The following ORC4 variants were observed in gnomAD, a reference collection of about 807,000 sequenced individuals.
ORC4 encodes the protein origin recognition complex, subunit 4 homolog.
ORC4 carries 55 observed loss-of-function variants against 63.9 expected under a neutral mutation model. The observed-to-expected ratio is 0.86, with a 90% confidence interval of 0.69 to 1.08. The LOEUF (loss-of-function observed/expected upper bound fraction) is 1.08. ORC4 is among the 50% of genes least tolerant of loss of function. ORC4 has a pLI of 0.00. For missense variants in ORC4, 511 were observed against 504.4 expected, an observed-to-expected ratio of 1.01 and a Z score of -0.13; for synonymous variants, 150 against 168.5, an observed-to-expected ratio of 0.89 and a Z score of 0.85.
At chr2:148,021,359 C>G, upstream of ORC4, 1 of 442,492 alleles carries the variant, frequency 2.3e-6, no homozygotes, top group Non-Finnish European at 4.5e-6. Context: ...CCCCTCACCC[C>G]TCCAACTCGC....
intron 8 of ORC4, chr2:147,951,670 A>T (rs1688967271): frequency 6.6e-6 from 1 of 152,228 alleles, no homozygotes; most frequent in Admixed American, 6.5e-5. Flanking sequence ...TTTCTTTAAA[A>T]ATTACCAAGT....
intron 4 of ORC4, among the ~76,000 whole-genome samples, chr2:147,959,724 T>A (rs774607874): frequency 5.9e-5 from 9 of 152,062 alleles, no homozygotes; most frequent in Non-Finnish European, 7.4e-5. Context: ...ATAAAAAAAA[T>A]TTCCTGTTAT....
Position 147,935,458 on chromosome 2 carries a change from G to A in ORC4, c.*52C>T, listed in dbSNP as rs371407420. Reference sequence around the variant, plus strand: ...TCATGTTAATGGACAATAGTTTTCCGTTCTCTACAGAAGTATGAATGAAAT... The same window carrying A: ...TCATGTTAATGGACAATAGTTTTCCATTCTCTACAGAAGTATGAATGAAAT... On this transcript the variant is annotated 3_prime_UTR_variant, in exon 14 of 14. Coordinates refer to ENST00000392857, the MANE Select transcript of ORC4 (RefSeq NM_181741.4). 1.6e-4 allele frequency: 209 copies of A among 1,338,988 alleles called. No individual in the cohort carries two copies. The highest frequency in any genetic ancestry group is 3.6e-4 in the Middle Eastern group (2 of 5,594). The allele number at this position is 1,338,988 out of a possible 1,614,324, so 82.9% of individuals were successfully genotyped here.
chr2:147,979,137 A>C (rs1008279303), intron 1 of ORC4, among the ~76,000 whole-genome samples: 1 of 152,176 alleles, frequency 6.6e-6, no homozygotes, highest in Non-Finnish European at 1.5e-5. Context: ...AAAAATAAAT[A>C]AAAGGCATCC....
At position 147,933,340 on chromosome 2, in the gene ORC4, T is replaced by G. The variant is rs760246585; in HGVS notation, c.*2170A>C. 2 of 152,136 alleles carry G rather than the reference T, an allele frequency of 1.3e-5. No homozygotes were observed. Among genetic ancestry groups the G allele is most frequent in the Non-Finnish European group, 2.9e-5 (2 of 68,012 alleles). 9.4% of individuals were successfully genotyped at this position (152,136 alleles called of 1,614,324 possible). Reference sequence around the variant, plus strand: ...AGCTCAAAACTCTTGCGAATAGATTTTAGCATTTTTGTATGAGGGAATATG... The same window carrying G: ...AGCTCAAAACTCTTGCGAATAGATTGTAGCATTTTTGTATGAGGGAATATG... On this transcript the variant is annotated 3_prime_UTR_variant, in exon 14 of 14. Transcript: ENST00000392857.
At chr2:147,990,311 T>C (rs1339294187) in intron 1 of ORC4, among the ~76,000 whole-genome samples, 1 of 152,238 alleles carries the variant, frequency 6.6e-6, no homozygotes, top group Non-Finnish European at 1.5e-5. Flanking sequence ...GTTTTGTTAC[T>C]GTCCTTTGAG....
At chr2:147,966,287 T>A (rs1689888809) in intron 4 of ORC4, among the ~76,000 whole-genome samples, 1 of 151,720 alleles carries the variant, frequency 6.6e-6, no homozygotes, top group Non-Finnish European at 1.5e-5. Context: ...AAATAAAGAA[T>A]CTAACAATGC....
At chr2:147,958,730 G>T in intron 5 of ORC4, 61 bp downstream of exon 5, 1 of 831,380 alleles carries the variant, frequency 1.2e-6, no homozygotes, top group Non-Finnish European at 2.1e-6. Context: ...AAATATACAA[G>T]TCATATAAAA....
chr2:147,986,293 A>G (rs1691198349), intron 1 of ORC4, among the ~76,000 whole-genome samples: 1 of 152,164 alleles, frequency 6.6e-6, no homozygotes, highest in African/African-American at 2.4e-5. Flanking sequence ...TAACTAAACA[A>G]AGAGACAAGT....
At chr2:147,958,743 C>T in intron 5 of ORC4, 48 bp downstream of exon 5, 3 of 923,740 alleles carry the variant, frequency 3.2e-6, no homozygotes, top group Non-Finnish European at 5.4e-6. Flanking sequence ...ATATAAAAAC[C>T]CCACAAAGTT....
chr2:148,009,939 T>C (rs1030742407), intron 1 of ORC4, among the ~76,000 whole-genome samples: 1 of 152,038 alleles, frequency 6.6e-6, no homozygotes, highest in Non-Finnish European at 1.5e-5. Flanking sequence ...AGACATTGCA[T>C]GCAAACAGAA....
At chr2:147,974,137 T>C (rs946022758) in intron 2 of ORC4, among the ~76,000 whole-genome samples, 6 of 152,084 alleles carry the variant, frequency 3.9e-5, no homozygotes, top group Admixed American at 6.5e-5. Flanking sequence ...TCTTGTTCCA[T>C]GTACAGAGGC....
chr2:148,004,304 A>C (rs1319583800), intron 1 of ORC4, among the ~76,000 whole-genome samples: 2 of 152,232 alleles, frequency 1.3e-5, no homozygotes, highest in African/African-American at 4.8e-5. Flanking sequence ...GCATAAGCCA[A>C]GACAATGCTA....
At chr2:147,983,494 GTCCCCAAAC>G (rs1279256463) in intron 1 of ORC4, among the ~76,000 whole-genome samples, 1 of 152,118 alleles carries the variant, frequency 6.6e-6, no homozygotes, top group African/African-American at 2.4e-5. Flanking sequence ...TGGTCCACTG[GTCCCCAAAC>G]ACAAACTCTC....
chr2:147,951,277 C>A (rs17231938), intron 8 of ORC4, among the ~76,000 whole-genome samples: 104 of 152,190 alleles, frequency 6.8e-4, no homozygotes, highest in Admixed American at 6.2e-3. Flanking sequence ...AAGAGGATTG[C>A]AAGAAAGCTA....
At chr2:148,009,859 C>A (rs904013404) in intron 1 of ORC4, among the ~76,000 whole-genome samples, 3 of 152,230 alleles carry the variant, frequency 2.0e-5, no homozygotes, top group African/African-American at 7.2e-5. Flanking sequence ...CAAAACAAGG[C>A]CCTACTACCT....
chr2:148,020,924 C>G (rs545469548), upstream of ORC4: 1 of 152,534 alleles, frequency 6.6e-6, no homozygotes, highest in African/African-American at 2.4e-5. Context: ...TCCTGTACCT[C>G]CCGCTACAAT....
chr2:147,964,237 G>A lies in ORC4; in HGVS notation c.226-5371C>T, dbSNP rs894100627. 7.2e-5 allele frequency among the ~76,000 whole-genome samples: 11 copies of A among 151,828 alleles called. No homozygotes were observed. In the South Asian group the frequency reaches 2.1e-3, roughly 29 times the overall value. On this transcript the variant is annotated intron_variant, in intron 4 of 13. Coordinates refer to ENST00000392857, the MANE Select transcript of ORC4 (RefSeq NM_181741.4). ...AAATCAGAAAAACAACTTGTGATTCGAATAAGAAATTAACAGAGATACCAT... is the reference window on the plus strand; with the variant it reads ...AAATCAGAAAAACAACTTGTGATTCAAATAAGAAATTAACAGAGATACCAT...
intron 1 of ORC4, among the ~76,000 whole-genome samples, chr2:148,005,656 C>CAAAAAAAAAAAAAAAAAAAAA (rs55869341): frequency 7.8e-5 from 4 of 51,490 alleles, no homozygotes; most frequent in African/African-American, 1.6e-4. Context: ...ACTATCCATG[C>CAAAAAAAAAAAAAAAAAAAAA]AAAAAAAAAA....
Sources: gnomAD v4.1 joint callset for allele counts (sites outside exome capture counted in the v4.1 genomes callset) on GRCh38, gnomAD v4.1.1 for gene constraint, MANE v1.5 for transcripts, NCBI Gene and HGNC (gene_info 2026-07-23, HGNC 2026-07-21) for gene names.